The following MTFR1 variants were observed in gnomAD, a reference collection of about 807,000 sequenced individuals.
MTFR1 encodes mitochondrial fission regulator 1, also known as chondrocyte protein with a poly-proline region.
Under a neutral mutation model 38.8 loss-of-function variants are expected in MTFR1, and 28 were observed. That is an observed-to-expected ratio of 0.72 (90% CI 0.53 to 0.99). The LOEUF is 0.99. Among genes scored for constraint, MTFR1 ranks in the 50% least tolerant of loss-of-function variants. The probability of loss-of-function intolerance (pLI) is 0.00; values close to 1 mark genes in which losing one functional copy is unlikely to be tolerated. For synonymous variants in MTFR1, 145 were observed against 137.0 expected (o/e 1.06, Z -0.41); for missense variants, 358 against 395.5 (o/e 0.91, Z 0.81).
intron 3 of MTFR1, among the ~76,000 whole-genome samples, chr8:65,686,249 C>G (rs182565616): frequency 5.9e-5 from 9 of 152,096 alleles, no homozygotes; most frequent in African/African-American, 2.2e-4. Flanking sequence ...ATTACTGAAT[C>G]CAGCAACAAA....
chr8:65,704,808 C>T lies in MTFR1; in HGVS notation c.396C>T (p.Thr132=). The change falls in exon 5 of 8, where the codon ACC becomes ACT. Residue 132 remains threonine (T), a synonymous_variant. Coordinates refer to ENST00000262146, the MANE Select transcript of MTFR1 (RefSeq NM_014637.4). ...CTCAAGAAGAGCCTCAGCTGAAGAC[C>T]CCAGCGCTGGCAAATGAGGAAGCAC... ...DLSQEEPQLK[T]PALANEEALQ... 1 of 1,614,054 alleles carries T rather than the reference C, an allele frequency of 6.2e-7. No homozygotes were observed. The highest frequency in any genetic ancestry group is 8.5e-7 in the Non-Finnish European group (1 of 1,180,006).
chr8:65,730,242 G>A (rs904017788), intron 3 of MTFR1, among the ~76,000 whole-genome samples: 9 of 128,930 alleles, frequency 7.0e-5, no homozygotes, highest in East Asian at 2.3e-4. Flanking sequence ...GAGTAATGGC[G>A]CAATCACGGC....
At position 65,698,142 on chromosome 8, in the gene MTFR1, A is replaced by AT. The variant is rs566832979; in HGVS notation, c.281+4394dup. Reference sequence around the variant, plus strand: ...TTTATATTTTACATTTGAGTCCATGATTTTTTTTTTTCTTTTTTTTTTTTT... The same window carrying AT: ...TTTATATTTTACATTTGAGTCCATGATTTTTTTTTTTTCTTTTTTTTTTTTT... On this transcript the variant is annotated intron_variant, in intron 4 of 7. Coordinates refer to ENST00000262146, the MANE Select transcript of MTFR1 (RefSeq NM_014637.4). Among the ~76,000 whole-genome samples the AT allele has an allele frequency of 3.6e-3, 438 of 121,350 alleles. 5 individuals are homozygous for AT. The South Asian group carries it at 0.043, about 12-fold the overall frequency. The allele number at this position is 121,350 out of a possible 152,430, so 79.6% of individuals were successfully genotyped here. A position where few individuals can be genotyped will look rare whatever the true frequency, so the allele number is the denominator to read the frequency against.
chr8:65,745,406 C>G, intron 3 of MTFR1: 1 of 1,519,584 alleles, frequency 6.6e-7, no homozygotes, highest in Non-Finnish European at 9.1e-7. Context: ...TCTTCACTTA[C>G]CATTTGTTAG....
chr8:65,708,128 C>G, intron 7 of MTFR1, 117 bp downstream of exon 7: 3 of 1,595,902 alleles, frequency 1.9e-6, no homozygotes, highest in Non-Finnish European at 1.7e-6. Context: ...GGAGGTGATA[C>G]AGGATTTGGT....
At chr8:65,701,654 T>C (rs1401173592) in intron 4 of MTFR1, among the ~76,000 whole-genome samples, 1 of 152,210 alleles carries the variant, frequency 6.6e-6, no homozygotes, top group African/African-American at 2.4e-5. Flanking sequence ...AAGTCTGTAA[T>C]ATAAGGATAG....
rs567186061 is a variant in MTFR1, at chr8:65,707,132, C to T, written c.640C>T (p.Arg214Ter). ...STSAVDLIKERREKRANAGKT... is the reference protein window; with the variant it reads ...STSAVDLIKE ...ATCTGCTGTTGATCTGATTAAAGAA[C>T]GAAGAGAGAAAAGAGCCAATGCTGG... The change falls in exon 6 of 8, where the codon CGA becomes TGA. Residue 214 changes from arginine (R) to a stop codon, truncating the protein, a stop_gained. Transcript: ENST00000262146. LOFTEE classifies it high-confidence loss of function. The T allele has an allele frequency of 2.0e-6, 3 of 1,474,328 alleles. No homozygotes were observed. Among genetic ancestry groups the T allele is most frequent in the South Asian group, 2.2e-5 (2 of 89,482 alleles). 91.3% of individuals were successfully genotyped at this position (1,474,328 alleles called of 1,614,324 possible). A position where few individuals can be genotyped will look rare whatever the true frequency, so the allele number is the denominator to read the frequency against.
At chr8:65,688,551 C>T (rs1805171896) in intron 3 of MTFR1, among the ~76,000 whole-genome samples, 1 of 150,068 alleles carries the variant, frequency 6.7e-6, no homozygotes, top group African/African-American at 2.4e-5. Context: ...CAGGTTCACG[C>T]CATTCTCCTG....
chr8:65,697,797 A>G (rs1805489283), intron 4 of MTFR1, among the ~76,000 whole-genome samples: 1 of 152,220 alleles, frequency 6.6e-6, no homozygotes, highest in South Asian at 2.1e-4. Flanking sequence ...GATGTTAAAC[A>G]TCTTTTTATG....
intron 3 of MTFR1, among the ~76,000 whole-genome samples, chr8:65,742,277 G>A (rs1807474240): frequency 6.6e-6 from 1 of 152,212 alleles, no homozygotes; most frequent in African/African-American, 2.4e-5. Flanking sequence ...CTGGTTGGAA[G>A]GAGTAGGCCA....
At chr8:65,682,818 C>T in intron 3 of MTFR1, 1 of 985,144 alleles carries the variant, frequency 1.0e-6, no homozygotes, top group Non-Finnish European at 1.2e-6. Flanking sequence ...TGGATAGCCA[C>T]TCTGTTCCCC....
chr8:65,688,780 A>G (rs1173149524), intron 3 of MTFR1, among the ~76,000 whole-genome samples: 1 of 152,048 alleles, frequency 6.6e-6, no homozygotes, highest in African/African-American at 2.4e-5. Flanking sequence ...AGCAACTGGT[A>G]AAAGAGAAAT....
At position 65,691,007 on chromosome 8, in the gene MTFR1, C is replaced by T. The variant is rs527607326; in HGVS notation, c.166-2637C>T. On this transcript the variant is annotated intron_variant, in intron 3 of 7. Transcript: ENST00000262146. ...AGGAACAGAACATTACCTGATTTCT[C>T]AACTCTTGAGATCAAATATGATACC... 5.3e-5 allele frequency among the ~76,000 whole-genome samples: 8 copies of T among 152,248 alleles called. No homozygotes were observed. The South Asian group carries it at 1.7e-3, about 32-fold the overall frequency.
At chr8:65,773,742 T>C (rs1809178798), downstream of MTFR1, among the ~76,000 whole-genome samples, 1 of 152,190 alleles carries the variant, frequency 6.6e-6, no homozygotes, top group East Asian at 1.9e-4. Flanking sequence ...AGATAGTACA[T>C]ATCCTATTTT....
chr8:65,745,488 C>T (rs1012831189), intron 3 of MTFR1: 7 of 1,380,994 alleles, frequency 5.1e-6, no homozygotes, highest in Non-Finnish European at 7.2e-6. Flanking sequence ...GAAAACCAAA[C>T]ATTTCTACTG....
intron 1 of MTFR1, among the ~76,000 whole-genome samples, chr8:65,659,801 TA>T (rs1809362166): frequency 6.6e-6 from 1 of 152,212 alleles, no homozygotes; most frequent in South Asian, 2.1e-4. Flanking sequence ...CAGTGTCTTT[TA>T]TTTTTTTCTG....
At chr8:65,650,238 G>T (rs891726810) in intron 1 of MTFR1, among the ~76,000 whole-genome samples, 1 of 120,396 alleles carries the variant, frequency 8.3e-6, no homozygotes, top group African/African-American at 3.4e-5. Flanking sequence ...TTTTGAGACA[G>T]AGTTTTACTC....
At chr8:65,730,217 GT>G (rs1219954638) in intron 3 of MTFR1, among the ~76,000 whole-genome samples, 1 of 106,962 alleles carries the variant, frequency 9.3e-6, no homozygotes, top group Non-Finnish European at 1.7e-5. Flanking sequence ...TTTCGCTCTT[GT>G]TGCCCAGGCT....
intron 3 of MTFR1, chr8:65,747,924 C>T (rs1807757446): frequency 2.0e-6 from 1 of 510,084 alleles, no homozygotes; most frequent in Non-Finnish European, 3.4e-6. Flanking sequence ...AATTATACCA[C>T]ATTTCCATGA....
Sources: gnomAD v4.1 joint callset for allele counts (sites outside exome capture counted in the v4.1 genomes callset) on GRCh38, gnomAD v4.1.1 for gene constraint, MANE v1.5 for transcripts, NCBI Gene and HGNC (gene_info 2026-07-23, HGNC 2026-07-21) for gene names.